The following IPMK variants were observed in gnomAD, a reference collection of about 807,000 sequenced individuals.
IPMK encodes inositol 1,3,4,6-tetrakisphosphate 5-kinase.
Under a neutral mutation model 45.8 loss-of-function variants are expected in IPMK, and 17 were observed. The observed-to-expected ratio is 0.37, with a 90% confidence interval of 0.25 to 0.56. The LOEUF is 0.56. Ranked by LOEUF, IPMK falls within the 20% of genes least tolerant of loss-of-function variation. The pLI is 0.79. For synonymous variants in IPMK, 180 were observed against 184.3 expected (o/e 0.98, Z 0.19); for missense variants, 399 against 498.0 (o/e 0.80, Z 1.89).
intron 4 of IPMK, among the ~76,000 whole-genome samples, chr10:58,210,817 G>A (rs1428885716): frequency 6.6e-6 from 1 of 152,182 alleles, no homozygotes; most frequent in African/African-American, 2.4e-5. Context: ...CTAACTCACA[G>A]AGTTTGCAGT....
intron 2 of IPMK, among the ~76,000 whole-genome samples, chr10:58,230,156 C>T (rs181187687): frequency 1.3e-5 from 2 of 152,196 alleles, no homozygotes; most frequent in African/African-American, 4.8e-5. Context: ...CTGGGAAGCT[C>T]GAACTGGGTG....
chr10:58,193,609 C>A lies in IPMK; in HGVS notation c.*2467G>T, dbSNP rs1269609439. On this transcript the variant is annotated 3_prime_UTR_variant, in exon 6 of 6. Transcript: ENST00000373935. ...TAGAGAAAGGTATTATTCACATCCACAATTTCTTAAAGTCCTTTTTAAATG... is the reference window on the plus strand; with the variant it reads ...TAGAGAAAGGTATTATTCACATCCAAAATTTCTTAAAGTCCTTTTTAAATG... The A allele has an allele frequency of 6.6e-6, 1 of 151,658 alleles. No individual in the cohort carries two copies. Among genetic ancestry groups the A allele is most frequent in the Non-Finnish European group, 1.5e-5 (1 of 67,706 alleles). 9.4% of individuals were successfully genotyped at this position (151,658 alleles called of 1,614,324 possible). A position where few individuals can be genotyped will look rare whatever the true frequency, so the allele number is the denominator to read the frequency against.
rs984713911 is a variant in IPMK at position 58,195,725 on chromosome 10, G to A, written c.*351C>T. ...TATTTTAGATATGGCTCATTGTCAA[G>A]GCTGGGTGGACAGAGATTTCATGAA... On this transcript the variant is annotated 3_prime_UTR_variant, in exon 6 of 6. Coordinates refer to ENST00000373935, the MANE Select transcript of IPMK (RefSeq NM_152230.5). 4.1e-5 allele frequency: 8 copies of A among 193,728 alleles called. No homozygotes were observed. Among genetic ancestry groups the A allele is most frequent in the Non-Finnish European group, 8.4e-5 (8 of 94,874 alleles). The allele number at this position is 193,728 out of a possible 1,614,324, so 12.0% of individuals were successfully genotyped here.
intron 4 of IPMK, chr10:58,212,832 G>T: frequency 4.4e-6 from 1 of 227,402 alleles, no homozygotes; most frequent in South Asian, 8.2e-5. Context: ...TATCAACAGT[G>T]ATAACTGTGG....
In IPMK at chr10:58,267,781, C is replaced by A; in HGVS notation, c.-170G>T. ...GAGGGGGCCCATGACGCCGCCGGGG[C>A]GCGGGCGCTCCTCTGCCCAACTCTC... is the stretch of plus-strand genomic sequence containing the variant. On this transcript the variant is annotated 5_prime_UTR_variant, in exon 1 of 6. Coordinates refer to ENST00000373935, the MANE Select transcript of IPMK (RefSeq NM_152230.5). 1 of 556,606 alleles carries A rather than the reference C, an allele frequency of 1.8e-6. No individual in the cohort carries two copies. Among genetic ancestry groups the A allele is most frequent in the Non-Finnish European group, 3.2e-6 (1 of 316,388 alleles). The allele number at this position is 556,606 out of a possible 1,614,324, so 34.5% of individuals were successfully genotyped here.
In IPMK at chr10:58,267,592, G is replaced by A. The variant is rs544109963; in HGVS notation, c.20C>T (p.Ser7Phe). 2 of 1,602,506 alleles carry A rather than the reference G, an allele frequency of 1.2e-6. No individual in the cohort carries two copies. Among genetic ancestry groups the A allele is most frequent in the Non-Finnish European group, 1.7e-6 (2 of 1,174,740 alleles). ...GCCCGGCGCCTCGACCCGGAGGGGG[G>A]ATGGTGGCTCTGTTGCCATAACGGA... MATEPPSPLRVEAPGPP... is the reference protein window; with the variant it reads MATEPPFPLRVEAPGPP... Residue 7 changes from serine to phenylalanine, a missense_variant, in exon 1 of 6, where the codon TCC becomes TTC. By Grantham distance (155) the Ser-to-Phe change is radical. This residue lies in a region of IPMK where 111 missense variants were observed against 99.9 expected (regional missense o/e 1.11). Coordinates refer to ENST00000373935, the MANE Select transcript of IPMK (RefSeq NM_152230.5).
intron 4 of IPMK, among the ~76,000 whole-genome samples, chr10:58,215,643 C>T (rs369959037): frequency 5.9e-5 from 9 of 152,226 alleles, no homozygotes; most frequent in African/African-American, 2.2e-4. Flanking sequence ...CTCCTGAGCT[C>T]AAGCAATCCA....
Position 58,193,131 on chromosome 10 carries a change from T to C in IPMK, c.*2945A>G, listed in dbSNP as rs761420257. On this transcript the variant is annotated 3_prime_UTR_variant, in exon 6 of 6. Coordinates refer to ENST00000373935, the MANE Select transcript of IPMK (RefSeq NM_152230.5). ...CCCCTAGAAACAAATGTATTTTCAG[T>C]AGCATGAAACAAAAAATTGCAACTG... 1 of 151,976 alleles carries C rather than the reference T, an allele frequency of 6.6e-6. No homozygotes were observed. The highest frequency in any genetic ancestry group is 1.5e-5 in the Non-Finnish European group (1 of 67,848). 9.4% of individuals were successfully genotyped at this position (151,976 alleles called of 1,614,324 possible).
chr10:58,266,539 T>C (rs546753312), intron 1 of IPMK, among the ~76,000 whole-genome samples: 29 of 152,118 alleles, frequency 1.9e-4, no homozygotes, highest in Non-Finnish European at 3.5e-4. Flanking sequence ...CCCGAATCGT[T>C]TTACCGGCAT....
chr10:58,206,572 T>A (rs1838074089), intron 4 of IPMK, among the ~76,000 whole-genome samples: 1 of 152,240 alleles, frequency 6.6e-6, no homozygotes, highest in Admixed American at 6.5e-5. Context: ...ATACCCTATT[T>A]GCTTATCCTG....
At chr10:58,256,035 C>A (rs535738758) in intron 1 of IPMK, among the ~76,000 whole-genome samples, 3 of 152,234 alleles carry the variant, frequency 2.0e-5, no homozygotes, top group Admixed American at 6.5e-5. Context: ...CACCTCAGGA[C>A]CCTGGATTGC....
At chr10:58,248,195 C>A (rs1438952983) in intron 1 of IPMK, among the ~76,000 whole-genome samples, 2 of 151,414 alleles carry the variant, frequency 1.3e-5, no homozygotes, top group East Asian at 3.9e-4. Context: ...TATTATTATA[C>A]TTTAAAACTT....
intron 1 of IPMK, among the ~76,000 whole-genome samples, chr10:58,267,001 G>C (rs1054564001): frequency 2.0e-5 from 3 of 152,200 alleles, no homozygotes; most frequent in African/African-American, 7.2e-5. Flanking sequence ...AGAAGTACTA[G>C]ATTAGCATCA....
At chr10:58,198,033 CA>C (rs1456694041) in intron 5 of IPMK, among the ~76,000 whole-genome samples, 1 of 151,996 alleles carries the variant, frequency 6.6e-6, no homozygotes, top group South Asian at 2.1e-4. Context: ...GTCTTGAAAA[CA>C]AAAAACAAAA....
chr10:58,223,102 T>A (rs1322416788), intron 3 of IPMK, among the ~76,000 whole-genome samples: 3 of 151,472 alleles, frequency 2.0e-5, no homozygotes, highest in Non-Finnish European at 1.5e-5. Context: ...ACTAAATAAC[T>A]TATTTATGTA....
chr10:58,263,341 T>C (rs1022999656), intron 1 of IPMK, among the ~76,000 whole-genome samples: 4 of 151,980 alleles, frequency 2.6e-5, no homozygotes, highest in African/African-American at 9.7e-5. Flanking sequence ...CTGGCCAACA[T>C]GGCAAAACCC....
intron 2 of IPMK, among the ~76,000 whole-genome samples, chr10:58,229,722 G>A (rs955214190): frequency 1.3e-5 from 2 of 152,094 alleles, no homozygotes; most frequent in African/African-American, 4.8e-5. Flanking sequence ...GAAAGAAAGA[G>A]GGGGGTGTTC....
intron 1 of IPMK, among the ~76,000 whole-genome samples, chr10:58,266,107 A>C (rs542778855): frequency 1.5e-4 from 23 of 152,200 alleles, no homozygotes; most frequent in Non-Finnish European, 3.2e-4. Flanking sequence ...CAACTTGAGG[A>C]CGTTGTTTCT....
At chr10:58,202,337 A>G (rs1363131346) in intron 4 of IPMK, among the ~76,000 whole-genome samples, 2 of 152,150 alleles carry the variant, frequency 1.3e-5, no homozygotes, top group Non-Finnish European at 2.9e-5. Flanking sequence ...GGTGACTTTA[A>G]GTTGAAGCCA....
Sources: gnomAD v4.1 joint callset for allele counts (sites outside exome capture counted in the v4.1 genomes callset) on GRCh38, gnomAD v4.1.1 for gene constraint, gnomAD v4.1.1 regional missense constraint, MANE v1.5 for transcripts, NCBI Gene and HGNC (gene_info 2026-07-23, HGNC 2026-07-21) for gene names.